The following MAP3K20 variants were observed in gnomAD, a reference collection of about 807,000 sequenced individuals.
MAP3K20 encodes the protein HCCS-4.
A neutral mutation model predicts 85.7 loss-of-function variants in MAP3K20; 40 were observed. That is an observed-to-expected ratio of 0.47 (90% CI 0.36 to 0.61). The LOEUF is 0.61. MAP3K20 is among the 20% of genes least tolerant of loss of function. The pLI is 0.00. For missense variants in MAP3K20, 817 were observed against 961.7 expected, an observed-to-expected ratio of 0.85 and a Z score of 1.99; for synonymous variants, 325 against 327.7, an observed-to-expected ratio of 0.99 and a Z score of 0.09.
intron 7 of MAP3K20, among the ~76,000 whole-genome samples, chr2:173,192,237 CAA>C (rs1374829439): frequency 4.6e-5 from 7 of 152,272 alleles, no homozygotes; most frequent in South Asian, 4.1e-4. Flanking sequence ...GCCAATGACA[CAA>C]GAGGAGATTC....
intron 2 of MAP3K20, among the ~76,000 whole-genome samples, chr2:173,121,575 G>C (rs942387070): frequency 1.3e-5 from 2 of 151,782 alleles, no homozygotes; most frequent in African/African-American, 2.4e-5. Flanking sequence ...TTTTAGTAGA[G>C]ACGGGGTTTC....
rs747321394 is a variant in MAP3K20, at chr2:173,258,682, TTTG to T, written c.1360-14_1360-12del. On this transcript the variant is annotated splice_polypyrimidine_tract_variant and intron_variant, in intron 16 of 19. Transcript: ENST00000375213. ...GTTTCACTTTCTCAAATTCTGTAAT[TTTG>T]TTTTTAATTCCAGGATTGTAAGTGG... 131 of 1,336,982 alleles carry T rather than the reference TTTG, an allele frequency of 9.8e-5. 1 individual carries two copies. The African/African-American group carries it at 1.5e-3, about 15-fold the overall frequency. 82.8% of individuals were successfully genotyped at this position (1,336,982 alleles called of 1,614,324 possible).
intron 7 of MAP3K20, among the ~76,000 whole-genome samples, chr2:173,195,229 A>G (rs1047016719): frequency 2.8e-4 from 42 of 151,380 alleles, no homozygotes; most frequent in African/African-American, 9.5e-4. Context: ...ATGACAATGC[A>G]GAAAGGATTA....
intron 2 of MAP3K20, chr2:173,160,173 C>G (rs1281216594): frequency 6.6e-6 from 1 of 152,018 alleles, no homozygotes; most frequent in African/African-American, 2.4e-5. Context: ...CTTTATTGCC[C>G]TGAATACTAA....
intron 17 of MAP3K20, among the ~76,000 whole-genome samples, chr2:173,259,520 C>A (rs1256444805): frequency 1.3e-5 from 2 of 152,192 alleles, no homozygotes; most frequent in Non-Finnish European, 2.9e-5. Context: ...GTCACCATAA[C>A]CTCACATAAT....
chr2:173,075,640 C>A (rs1345865278), upstream of MAP3K20: 23 of 690,136 alleles, frequency 3.3e-5, no homozygotes, highest in Non-Finnish European at 4.1e-5. Flanking sequence ...AGGGGGAACA[C>A]CCCCACGGCC....
chr2:173,077,838 G>T (rs1487574828), intron 1 of MAP3K20, among the ~76,000 whole-genome samples: 1 of 152,196 alleles, frequency 6.6e-6, no homozygotes. Context: ...TCTAAAAATG[G>T]ATGGTCAAAG....
chr2:173,133,820 TAAAA>T (rs796823000), intron 2 of MAP3K20, among the ~76,000 whole-genome samples: 1 of 142,138 alleles, frequency 7.0e-6, no homozygotes, highest in Non-Finnish European at 1.5e-5. Context: ...CCATCTCTAC[TAAAA>T]AAAAAAAATC....
At chr2:173,217,392 G>GT in intron 11 of MAP3K20, 142 bp downstream of exon 11, 4 of 981,902 alleles carry the variant, frequency 4.1e-6, no homozygotes, top group Non-Finnish European at 5.5e-6. Flanking sequence ...AAGGGCCCGC[G>GT]TGTGGACTCA....
chr2:173,241,220 TAA>T (rs1684772473), intron 16 of MAP3K20, among the ~76,000 whole-genome samples: 1 of 152,116 alleles, frequency 6.6e-6, no homozygotes. Flanking sequence ...TTTAAATAAT[TAA>T]AAGAGTGGAA....
At chr2:173,124,507 T>A (rs1321393936) in intron 2 of MAP3K20, among the ~76,000 whole-genome samples, 1 of 152,104 alleles carries the variant, frequency 6.6e-6, no homozygotes, top group Non-Finnish European at 1.5e-5. Flanking sequence ...TGGGAGCTGG[T>A]TCACAAGAAG....
chr2:173,257,192 A>G (rs1252063764), intron 16 of MAP3K20, among the ~76,000 whole-genome samples: 2 of 152,198 alleles, frequency 1.3e-5, no homozygotes, highest in Admixed American at 1.3e-4. Flanking sequence ...ATCACTATAA[A>G]ATTAATTAAA....
intron 12 of MAP3K20, among the ~76,000 whole-genome samples, chr2:173,230,266 C>A (rs938935988): frequency 6.6e-6 from 1 of 152,138 alleles, no homozygotes; most frequent in African/African-American, 2.4e-5. Flanking sequence ...ATAACAAATA[C>A]CCATGAGGAA....
Position 173,108,377 on chromosome 2 carries a change from C to T in MAP3K20, c.159+17187C>T, listed in dbSNP as rs572022456. 2.5e-4 allele frequency among the ~76,000 whole-genome samples: 38 copies of T among 152,234 alleles called. 1 individual carries two copies. The South Asian group carries it at 4.1e-3, about 17-fold the overall frequency. ...AACTCCTGACCTCAGGTGATCCGCC[C>T]GCCTCGGCCTCCCAAAGTGCTGGGA... On this transcript the variant is annotated intron_variant, in intron 2 of 19. Transcript: ENST00000375213.
intron 2 of MAP3K20, among the ~76,000 whole-genome samples, chr2:173,165,014 G>A (rs969027157): frequency 3.9e-5 from 6 of 152,102 alleles, no homozygotes; most frequent in African/African-American, 1.4e-4. Flanking sequence ...ATAAGAGCAG[G>A]CAAACAATAA....
chr2:173,192,413 G>GA (rs1432622957), intron 7 of MAP3K20, among the ~76,000 whole-genome samples: 1 of 151,868 alleles, frequency 6.6e-6, no homozygotes, highest in African/African-American at 2.4e-5. Flanking sequence ...GTTAGCTATT[G>GA]AAAAAATCAT....
chr2:173,260,428 G>GTCAT (rs1685261869), intron 17 of MAP3K20, among the ~76,000 whole-genome samples: 1 of 151,886 alleles, frequency 6.6e-6, no homozygotes, highest in Non-Finnish European at 1.5e-5. Flanking sequence ...CTCACAGCCA[G>GTCAT]TCATTCCTTT....
intron 11 of MAP3K20, chr2:173,221,512 CAT>C: frequency 1.9e-6 from 3 of 1,589,464 alleles, no homozygotes; most frequent in Non-Finnish European, 2.6e-6. Flanking sequence ...AGGATAATGA[CAT>C]GGATAATAGT....
intron 2 of MAP3K20, among the ~76,000 whole-genome samples, chr2:173,134,428 A>T (rs868335484): frequency 0.52 from 1,702 of 3,270 alleles, 607 homozygotes; most frequent in South Asian, 0.67. Context: ...ATATATATAT[A>T]TTTTTTTTTT....
Sources: allele counts gnomAD v4.1 joint callset (sites outside exome capture counted in the v4.1 genomes callset), GRCh38; gene constraint gnomAD v4.1.1; transcripts MANE v1.5; gene names NCBI Gene and HGNC (gene_info 2026-07-23, HGNC 2026-07-21).